ARID1B: variants seen among roughly 807,000 people sequenced by gnomAD.
The protein encoded by ARID1B is AT-rich interactive domain-containing protein 1B.
ARID1B carries 30 observed loss-of-function variants against 212.3 expected under a neutral mutation model. That is an observed-to-expected ratio of 0.14 (90% CI 0.11 to 0.19). The LOEUF is 0.19. Among genes scored for constraint, ARID1B ranks in the 10% least tolerant of loss-of-function variants. The probability of loss-of-function intolerance (pLI) is 1.00; values close to 1 mark genes in which losing one functional copy is unlikely to be tolerated. For synonymous variants in ARID1B, 1,402 were observed against 1,301.7 expected, an observed-to-expected ratio of 1.08 and a Z score of -1.66; for missense variants, 2,891 against 3,204.0, an observed-to-expected ratio of 0.90 and a Z score of 2.36.
intron 3 of ARID1B, among the ~76,000 whole-genome samples, chr6:156,915,436 C>T (rs1482058045): frequency 2.0e-5 from 3 of 151,292 alleles, no homozygotes; most frequent in East Asian, 2.0e-4. Flanking sequence ...GGTGTGGTCG[C>T]GCATGCCTGT....
chr6:157,056,751 T>C (rs913467891), intron 4 of ARID1B, among the ~76,000 whole-genome samples: 1 of 152,238 alleles, frequency 6.6e-6, no homozygotes, highest in Non-Finnish European at 1.5e-5. Flanking sequence ...ATGTTTAGTT[T>C]TGACTAATCA....
intron 4 of ARID1B, among the ~76,000 whole-genome samples, chr6:156,964,222 A>G (rs536267136): frequency 6.6e-6 from 1 of 152,388 alleles, no homozygotes; most frequent in East Asian, 1.9e-4. Flanking sequence ...CATCAGTAGT[A>G]TGTGACTTGA....
At chr6:157,084,546 T>G in intron 4 of ARID1B, 116 bp from the exon 5 acceptor site, 2 of 1,322,298 alleles carry the variant, frequency 1.5e-6, no homozygotes, top group East Asian at 4.7e-5. Flanking sequence ...TTATTTTGGG[T>G]GTTACCCAGA....
intron 4 of ARID1B, among the ~76,000 whole-genome samples, chr6:157,082,197 T>C (rs958663712): frequency 5.3e-5 from 8 of 152,216 alleles, no homozygotes; most frequent in African/African-American, 1.9e-4. Context: ...GGTAAAGTTA[T>C]GGTGCATTTC....
At chr6:156,973,452 A>T (rs1487382044) in intron 4 of ARID1B, among the ~76,000 whole-genome samples, 1 of 152,134 alleles carries the variant, frequency 6.6e-6, no homozygotes, top group African/African-American at 2.4e-5. Context: ...ATGCATTTTA[A>T]TAGCATATGT....
chr6:157,182,285 T>G (rs1792604445), intron 12 of ARID1B, among the ~76,000 whole-genome samples: 1 of 152,162 alleles, frequency 6.6e-6, no homozygotes, highest in Non-Finnish European at 1.5e-5. Flanking sequence ...AATAGAATAA[T>G]GCTGTAGCCC....
rs750806092 is a variant in ARID1B, at chr6:157,175,019, G to GT, written c.3504+23dup. The GT allele has an allele frequency of 6.1e-4, 819 of 1,336,160 alleles. No individual in the cohort carries two copies. The highest frequency in any genetic ancestry group is 1.7e-3 in the South Asian group (77 of 45,136). The allele number at this position is 1,336,160 out of a possible 1,614,324, so 82.8% of individuals were successfully genotyped here. On this transcript the variant is annotated intron_variant, in intron 11 of 19. Coordinates refer to ENST00000636930, the MANE Select transcript of ARID1B (RefSeq NM_001374828.1). Reference sequence around the variant, plus strand: ...CCATCAAGCCCTGTAAGTGGCTCTGGTTTTTTTTTGTTTTTTTTGTTTTTT... The same window carrying GT: ...CCATCAAGCCCTGTAAGTGGCTCTGGTTTTTTTTTTGTTTTTTTTGTTTTTT...
At chr6:156,918,704 C>T (rs1790552613) in intron 3 of ARID1B, among the ~76,000 whole-genome samples, 1 of 152,118 alleles carries the variant, frequency 6.6e-6, no homozygotes, top group Admixed American at 6.6e-5. Flanking sequence ...CTGAGCAAGG[C>T]CTATTCCTAG....
chr6:157,103,593 T>C (rs927204405), intron 5 of ARID1B, among the ~76,000 whole-genome samples: 29 of 152,182 alleles, frequency 1.9e-4, no homozygotes, highest in South Asian at 2.1e-4. Context: ...AGCCTCTTTT[T>C]CCCAATTGTG....
intron 17 of ARID1B, 125 bp downstream of exon 17, chr6:157,199,032 A>G (rs1583496887): frequency 2.5e-6 from 2 of 795,226 alleles, no homozygotes. Context: ...TTTGTTGAGC[A>G]TTCAGGATAT....
At chr6:156,811,152 C>T (rs760221269) in intron 1 of ARID1B, among the ~76,000 whole-genome samples, 99 of 152,316 alleles carry the variant, frequency 6.5e-4, no homozygotes, top group Admixed American at 1.2e-3. Context: ...GGCCTGGACC[C>T]TCTTTTAAAG....
chr6:157,152,207 A>G (rs1031987457), intron 8 of ARID1B: 2 of 152,196 alleles, frequency 1.3e-5, no homozygotes, highest in African/African-American at 4.8e-5. Context: ...CCACAAAGCT[A>G]GTTTGACTGT....
intron 4 of ARID1B, among the ~76,000 whole-genome samples, chr6:156,977,315 C>G (rs1777316364): frequency 6.7e-6 from 1 of 148,544 alleles, no homozygotes; most frequent in Admixed American, 6.7e-5. Flanking sequence ...GCAGCTCTAA[C>G]TAAATATATA....
In ARID1B at chr6:156,778,837, G is replaced by T; in HGVS notation, c.1157G>T (p.Arg386Leu). 7.0e-7 allele frequency: 1 copy of T among 1,419,530 alleles called. No individual in the cohort carries two copies. The highest frequency in any genetic ancestry group is 9.2e-7 in the Non-Finnish European group (1 of 1,084,050). 87.9% of individuals were successfully genotyped at this position (1,419,530 alleles called of 1,614,324 possible). A position where few individuals can be genotyped will look rare whatever the true frequency, so the allele number is the denominator to read the frequency against. The change falls in exon 1 of 20, where the codon CGG (arginine) becomes CTG (leucine). Residue 386 changes from arginine (R) to leucine (L), a missense_variant. Around this residue, in one of 7 missense-constraint regions of ARID1B, gnomAD observed 1,643 missense variants for 1,544.0 expected, o/e 1.06. Coordinates refer to ENST00000636930, the MANE Select transcript of ARID1B (RefSeq NM_001374828.1). Reference sequence around the variant, plus strand: ...TGCAACCATTATCCGGGCTACAGCCGGCCCGGCGCGGGCGGCGGCGGCGGC... The same window carrying T: ...TGCAACCATTATCCGGGCTACAGCCTGCCCGGCGCGGGCGGCGGCGGCGGC... ...SQCNHYPGYS[R>L]PGAGGGGGGG...
At chr6:157,150,732 T>G (rs2128640203) in intron 8 of ARID1B, 2 of 179,532 alleles carry the variant, frequency 1.1e-5, no homozygotes, top group East Asian at 1.8e-4. Flanking sequence ...TAGGCCACCA[T>G]ACATTAGGTC....
chr6:157,046,457 A>G (rs1782252279), intron 4 of ARID1B, among the ~76,000 whole-genome samples: 1 of 152,218 alleles, frequency 6.6e-6, no homozygotes, highest in Non-Finnish European at 1.5e-5. Context: ...GAACAGACCC[A>G]TATTCTACTG....
intron 18 of ARID1B, among the ~76,000 whole-genome samples, chr6:157,202,164 C>T (rs1446386028): frequency 6.6e-6 from 1 of 152,152 alleles, no homozygotes; most frequent in Non-Finnish European, 1.5e-5. Flanking sequence ...GGCCAAGAAC[C>T]ATGTCAATCG....
intron 4 of ARID1B, among the ~76,000 whole-genome samples, chr6:157,070,483 TCA>T (rs1159016125): frequency 1.3e-5 from 2 of 152,202 alleles, no homozygotes; most frequent in Non-Finnish European, 2.9e-5. Context: ...ACAGTAATGA[TCA>T]CACAGCTGTG....
At chr6:156,963,256 AG>A (rs1794521582) in intron 4 of ARID1B, among the ~76,000 whole-genome samples, 1 of 152,212 alleles carries the variant, frequency 6.6e-6, no homozygotes, top group South Asian at 2.1e-4. Flanking sequence ...AAGTCTGTTC[AG>A]TGATGTTAAG....
Sources: gnomAD v4.1 joint callset for allele counts (sites outside exome capture counted in the v4.1 genomes callset) on GRCh38, gnomAD v4.1.1 for gene constraint, gnomAD v4.1.1 regional missense constraint, MANE v1.5 for transcripts, NCBI Gene and HGNC (gene_info 2026-07-23, HGNC 2026-07-21) for gene names.